LSM12: variants seen among roughly 807,000 people sequenced by gnomAD.
LSM12 encodes protein LSM12.
For synonymous variants in LSM12, 74 were observed against 87.3 expected, an observed-to-expected ratio of 0.85 and a Z score of 0.85; for missense variants, 108 against 238.9, an observed-to-expected ratio of 0.45 and a Z score of 3.61.
chr17:44,055,614 T>C (rs983084632), intron 2 of LSM12, among the ~76,000 whole-genome samples: 2 of 148,640 alleles, frequency 1.3e-5, no homozygotes, highest in East Asian at 2.0e-4. Context: ...GAGGTAGAGG[T>C]TGCAGTGAGC....
At chr17:44,054,837 CTTT>C (rs971642524) in intron 2 of LSM12, among the ~76,000 whole-genome samples, 1 of 142,638 alleles carries the variant, frequency 7.0e-6, no homozygotes, top group Non-Finnish European at 1.5e-5. Context: ...TTTTCTTTTT[CTTT>C]TTTTTTTTTT....
At chr17:44,037,071 T>C (rs2049425550) in intron 4 of LSM12, 1 of 164,958 alleles carries the variant, frequency 6.1e-6, no homozygotes, top group Non-Finnish European at 1.3e-5. Flanking sequence ...GCCACTGCAC[T>C]CCAGCGTGGG....
At chr17:44,066,421 C>A in intron 1 of LSM12, 43 bp downstream of exon 1, 1 of 1,534,374 alleles carries the variant, frequency 6.5e-7, no homozygotes. Flanking sequence ...ACCACCGCAC[C>A]TACACGCCGG....
At chr17:44,044,012 T>C (rs952447365) in intron 2 of LSM12, among the ~76,000 whole-genome samples, 13 of 152,126 alleles carry the variant, frequency 8.5e-5, no homozygotes, top group Admixed American at 8.5e-4. Flanking sequence ...AGAAAGCTGC[T>C]TCTATAAAGC....
chr17:44,043,873 TG>T (rs1385986556), intron 2 of LSM12, among the ~76,000 whole-genome samples: 2 of 151,740 alleles, frequency 1.3e-5, no homozygotes, highest in Non-Finnish European at 2.9e-5. Flanking sequence ...GCAGAGCTCC[TG>T]GGAAGCATCT....
rs536685570 is a variant in LSM12, at chr17:44,045,881, T to G, written c.259-5625A>C. Among the ~76,000 whole-genome samples, 10 of 151,666 alleles carry G rather than the reference T, an allele frequency of 6.6e-5. No individual in the cohort carries two copies. The East Asian group carries it at 2.0e-3, about 30-fold the overall frequency. On this transcript the variant is annotated intron_variant, in intron 2 of 4. Transcript: ENST00000293406. The stretch of plus-strand genomic sequence containing the variant: ...AGCCACCCTACCCGGCTGTTTCCAG[T>G]TTTTGGCAGCAGTCACACACAAGTC...
intron 3 of LSM12, among the ~76,000 whole-genome samples, chr17:44,039,365 CTTTTTTTT>C (rs35411238): frequency 1.8e-4 from 9 of 51,086 alleles, no homozygotes; most frequent in African/African-American, 3.3e-4. Flanking sequence ...AACAAAATGT[CTTTTTTTT>C]TTTTTTTTTT....
chr17:44,049,556 G>C (rs2049615405), intron 2 of LSM12, among the ~76,000 whole-genome samples: 1 of 152,178 alleles, frequency 6.6e-6, no homozygotes, highest in South Asian at 2.1e-4. Context: ...GGGATTAAAT[G>C]CATGAGCCAC....
intron 2 of LSM12, among the ~76,000 whole-genome samples, chr17:44,051,483 G>A (rs1174283059): frequency 6.6e-6 from 1 of 151,926 alleles, no homozygotes; most frequent in Non-Finnish European, 1.5e-5. Context: ...TGCCTGGGGG[G>A]AGGAGGTGGC....
chr17:44,036,362 A>G, intron 4 of LSM12, 62 bp from the exon 5 acceptor site: 2 of 1,604,366 alleles, frequency 1.2e-6, no homozygotes, highest in Non-Finnish European at 1.7e-6. Flanking sequence ...CTCCCAAACA[A>G]TCCAACCCAG....
At chr17:44,045,056 C>A (rs1225310356) in intron 2 of LSM12, among the ~76,000 whole-genome samples, 1 of 152,062 alleles carries the variant, frequency 6.6e-6, no homozygotes, top group Non-Finnish European at 1.5e-5. Context: ...GAGACAAAGT[C>A]TTGCTCTGTC....
intron 2 of LSM12, 55 bp downstream of exon 2, chr17:44,063,746 T>C (rs925445616): frequency 5.1e-6 from 8 of 1,563,414 alleles, no homozygotes; most frequent in Non-Finnish European, 6.9e-6. Context: ...TAAGACTCAA[T>C]GAGACTCATC....
At chr17:44,037,668 C>CG in intron 3 of LSM12, 130 bp from the exon 4 acceptor site, 4 of 1,109,810 alleles carry the variant, frequency 3.6e-6, no homozygotes, top group Non-Finnish European at 4.9e-6. Flanking sequence ...AACTAGATGC[C>CG]AGCAGCCCAT....
At chr17:44,061,540 A>C (rs1485530323) in intron 2 of LSM12, among the ~76,000 whole-genome samples, 1 of 152,204 alleles carries the variant, frequency 6.6e-6, no homozygotes, top group African/African-American at 2.4e-5. Flanking sequence ...CATCACTAAA[A>C]AATGTGTGGC....
chr17:44,052,435 G>A (rs2049657176), intron 2 of LSM12, among the ~76,000 whole-genome samples: 1 of 152,112 alleles, frequency 6.6e-6, no homozygotes, highest in South Asian at 2.1e-4. Flanking sequence ...TGCAAGCAGA[G>A]CAAGACAACA....
chr17:44,034,699 T>C lies in LSM12; in HGVS notation c.*1509A>G, dbSNP rs1028199089. On this transcript the variant is annotated 3_prime_UTR_variant, in exon 5 of 5. Transcript: ENST00000293406. ...ATAATACTAAAAAAAAAATTTCATT[T>C]TGAAGGCAGGGCTTGAATTATTTAA... 1 of 149,892 alleles carries C rather than the reference T, an allele frequency of 6.7e-6. No homozygotes were observed. Among genetic ancestry groups the C allele is most frequent in the Non-Finnish European group, 1.5e-5 (1 of 67,538 alleles). The allele number at this position is 149,892 out of a possible 1,614,324, so 9.3% of individuals were successfully genotyped here.
chr17:44,047,184 G>C (rs898890271), intron 2 of LSM12, among the ~76,000 whole-genome samples: 1 of 152,140 alleles, frequency 6.6e-6, no homozygotes, highest in African/African-American at 2.4e-5. Context: ...AGCATCTTAT[G>C]TGCTTATTTG....
Position 44,064,677 on chromosome 17 carries a change from G to A in LSM12, c.125-743C>T, listed in dbSNP as rs112998418. 1.4e-3 allele frequency among the ~76,000 whole-genome samples: 213 copies of A among 149,380 alleles called. 2 individuals carry two copies. The highest frequency in any genetic ancestry group is 2.5e-3 in the Non-Finnish European group (171 of 67,438). On this transcript the variant is annotated intron_variant, in intron 1 of 4. Coordinates refer to ENST00000293406, the MANE Select transcript of LSM12 (RefSeq NM_001371445.1). The stretch of plus-strand genomic sequence containing the variant: ...GAACACGGGAGGCGGAGGTTGCAGT[G>A]AGCCGAGATGGTGCCACTGCACTCC...
intron 3 of LSM12, among the ~76,000 whole-genome samples, chr17:44,039,226 G>C (rs1379189163): frequency 2.6e-5 from 4 of 151,896 alleles, no homozygotes; most frequent in Admixed American, 2.0e-4. Flanking sequence ...GGCTAATTTT[G>C]TATTTTTAGT....
Sources: gnomAD v4.1 joint callset for allele counts (sites outside exome capture counted in the v4.1 genomes callset) on GRCh38, gnomAD v4.1.1 for gene constraint, MANE v1.5 for transcripts, NCBI Gene and HGNC (gene_info 2026-07-23, HGNC 2026-07-21) for gene names.